Variants in OTOG observed in about 807,000 individuals in gnomAD.
OTOG encodes otogelin.
A neutral mutation model predicts 313.8 loss-of-function variants in OTOG; 296 were observed. The ratio of observed to expected loss-of-function variants is 0.94; its 90% confidence interval spans 0.86 to 1.04. The LOEUF is 1.04. OTOG is among the 50% of genes least tolerant of loss of function. The probability of loss-of-function intolerance (pLI) is 0.00; values close to 1 mark genes in which losing one functional copy is unlikely to be tolerated. For synonymous variants in OTOG, 1,533 were observed against 1,554.9 expected (o/e 0.99, Z 0.33); for missense variants, 3,948 against 3,840.1 (o/e 1.03, Z -0.74).
chr11:17,631,589 G>T (rs1426469851), intron 40 of OTOG, 113 bp from the exon 41 acceptor site: 6 of 851,528 alleles, frequency 7.0e-6, no homozygotes, highest in Non-Finnish European at 1.1e-5. Context: ...TATAAAATGG[G>T]GATAATGGTA....
At chr11:17,599,759 G>A (rs1413484932) in intron 31 of OTOG, 62 bp downstream of exon 31, 10 of 1,519,612 alleles carry the variant, frequency 6.6e-6, no homozygotes, top group South Asian at 6.0e-5. Context: ...CTGTCCTGAC[G>A]CCACACAGCA....
At position 17,645,869 on chromosome 11, in the gene OTOG, C is replaced by T; in HGVS notation, c.8667C>T (p.Leu2889=). Residue 2889 remains leucine (L), a synonymous_variant, in exon 56 of 56, where the codon CTC becomes CTT. Transcript: ENST00000399397. ...EVGLQRRSVQ[L]FCATNATWVP... ...GCCTGCAGCGGCGCTCTGTGCAGCT[C>T]TTCTGTGCCACCAATGCCACCTGGG... 6.4e-7 allele frequency: 1 copy of T among 1,550,790 alleles called. No individual in the cohort carries two copies. Among genetic ancestry groups the T allele is most frequent in the Non-Finnish European group, 8.7e-7 (1 of 1,147,034 alleles).
intron 34 of OTOG, 45 bp downstream of exon 34, chr11:17,608,458 T>G: frequency 7.6e-7 from 1 of 1,314,522 alleles, no homozygotes; most frequent in Non-Finnish European, 1.0e-6. Flanking sequence ...GTGTGTGCAC[T>G]AGTGTGTGTG....
At chr11:17,635,005 C>A in intron 45 of OTOG, 57 bp downstream of exon 45, 1 of 1,534,402 alleles carries the variant, frequency 6.5e-7, no homozygotes, top group Non-Finnish European at 8.8e-7. Context: ...GGGGGGAGGA[C>A]AGCTCTGGGG....
At position 17,558,623 on chromosome 11, in the gene OTOG, G is replaced by C. The variant is rs1277476811; in HGVS notation, c.1082G>C (p.Ser361Thr). The change falls in exon 10 of 56, where the codon AGT becomes ACT. Residue 361 changes from serine to threonine, a missense_variant. Physicochemically the swap from Ser to Thr is moderately conservative, Grantham distance 58 (BLOSUM62 1). Coordinates refer to ENST00000399397, the MANE Select transcript of OTOG (RefSeq NM_001292063.2). ...GTCAGCCCTCTGCCCTTCACAGCCA[G>C]TTGTACCAGTGATCTCTGCCAGTGA... ...AYVSPLPFTA[S>T]CTSDLCQSMG... is the part of the protein sequence containing the mutation. 1 of 1,550,218 alleles carries C rather than the reference G, an allele frequency of 6.5e-7. No individual in the cohort carries two copies. The highest frequency in any genetic ancestry group is 2.4e-5 in the East Asian group (1 of 40,922).
intron 47 of OTOG, among the ~76,000 whole-genome samples, chr11:17,636,225 T>A (rs1854263582): frequency 6.6e-6 from 1 of 152,208 alleles, no homozygotes; most frequent in African/African-American, 2.4e-5. Context: ...TGTATATACA[T>A]GTAGACATGT....
intron 24 of OTOG, among the ~76,000 whole-genome samples, chr11:17,588,174 G>A (rs1015495709): frequency 6.6e-6 from 1 of 152,172 alleles, no homozygotes; most frequent in African/African-American, 2.4e-5. Context: ...TAGAAAACTA[G>A]GAGATAGATG....
At chr11:17,599,970 A>G (rs1853209467) in intron 31 of OTOG, among the ~76,000 whole-genome samples, 1 of 152,200 alleles carries the variant, frequency 6.6e-6, no homozygotes, top group African/African-American at 2.4e-5. Flanking sequence ...CCCACCAGGA[A>G]GGAAAAACCC....
Position 17,561,912 on chromosome 11 carries a change from C to A in OTOG, c.1644+105C>A, listed in dbSNP as rs1001836776. 115 of 1,350,890 alleles carry A rather than the reference C, an allele frequency of 8.5e-5. 1 individual carries two copies. In the Middle Eastern group the frequency reaches 1.9e-3, roughly 23 times the overall value. The allele number at this position is 1,350,890 out of a possible 1,614,324, so 83.7% of individuals were successfully genotyped here. A position where few individuals can be genotyped will look rare whatever the true frequency, so the allele number is the denominator to read the frequency against. On this transcript the variant is annotated intron_variant, in intron 15 of 55. Transcript: ENST00000399397. ...AGGGCTCAGGTCTTCCCATGGCCCCCACCTGCTGCCTCTTCTCTCTGGGGA... is the reference window on the plus strand; with the variant it reads ...AGGGCTCAGGTCTTCCCATGGCCCCAACCTGCTGCCTCTTCTCTCTGGGGA...
intron 17 of OTOG, among the ~76,000 whole-genome samples, chr11:17,571,413 C>T (rs115531074): frequency 0.011 from 1,610 of 152,254 alleles, 26 homozygotes; most frequent in African/African-American, 0.037. Flanking sequence ...GAGACCATGA[C>T]CTCCCTCCGC....
At chr11:17,553,003 T>C (rs1851976730) in intron 4 of OTOG, 116 bp from the exon 5 acceptor site, 2 of 887,148 alleles carry the variant, frequency 2.3e-6, no homozygotes, top group Non-Finnish European at 3.5e-6. Context: ...TGAGGAATGT[T>C]GGGGCTGGGG....
At chr11:17,599,514 T>C (rs1309159722) in intron 30 of OTOG, among the ~76,000 whole-genome samples, 157 bp from the exon 31 acceptor site, 2 of 152,146 alleles carry the variant, frequency 1.3e-5, no homozygotes, top group Non-Finnish European at 2.9e-5. Flanking sequence ...TTAAGACATC[T>C]GCATCCATGA....
chr11:17,615,120 T>C (rs1853689076), intron 39 of OTOG, among the ~76,000 whole-genome samples: 1 of 152,246 alleles, frequency 6.6e-6, no homozygotes. Context: ...TTACTGATGA[T>C]GTTGAGCATC....
chr11:17,634,882 T>A lies in OTOG; in HGVS notation c.7519T>A (p.Cys2507Ser). The change falls in exon 45 of 56, where the codon TGC becomes AGC. Residue 2507 changes from cysteine to serine, a missense_variant. Coordinates refer to ENST00000399397, the MANE Select transcript of OTOG (RefSeq NM_001292063.2). The stretch of plus-strand genomic sequence containing the variant: ...TCTGTGTGAGGGTCTCGCCCCCACA[T>A]GCCGCCCAGGCCACCGCCTCCTCAC... ...QTLCEGLAPTCRPGHRLLTHF... is the reference protein window; with the variant it reads ...QTLCEGLAPTSRPGHRLLTHF... 3.3e-6 allele frequency: 5 copies of A among 1,516,102 alleles called. No homozygotes were observed. The highest frequency in any genetic ancestry group is 4.4e-6 in the Non-Finnish European group (5 of 1,126,670). The allele number at this position is 1,516,102 out of a possible 1,614,324, so 93.9% of individuals were successfully genotyped here. A position where few individuals can be genotyped will look rare whatever the true frequency, so the allele number is the denominator to read the frequency against.
intron 31 of OTOG, among the ~76,000 whole-genome samples, chr11:17,599,920 AGGCAGGCCAGCTCCCGGGGACTGTGCTC>A (rs924675213): frequency 6.6e-6 from 1 of 152,240 alleles, no homozygotes; most frequent in Non-Finnish European, 1.5e-5. Context: ...TCCGGGGCCC[AGGCAGGCCAGCTCCCGGGGACTGTGCTC>A]GGCAGGGCAG....
chr11:17,556,140 G>A (rs1467651020), intron 7 of OTOG, among the ~76,000 whole-genome samples: 1 of 152,172 alleles, frequency 6.6e-6, no homozygotes, highest in East Asian at 1.9e-4. Context: ...AGGCTTTCAG[G>A]AAAATAGAGT....
rs77481589 is a variant in OTOG at position 17,597,193 on chromosome 11, A to G, written c.3682+186A>G. 0.028 allele frequency among the ~76,000 whole-genome samples: 4,332 copies of G among 152,210 alleles called. 207 individuals carry two copies. The highest frequency in any genetic ancestry group is 0.099 in the African/African-American group (4,121 of 41,502). On this transcript the variant is annotated intron_variant, in intron 30 of 55. Transcript: ENST00000399397. ...TTTGAAACAGGGCTATATATTTCCTATTTTACAGTTGAAGAAACAGCCTAG... is the reference window on the plus strand; with the variant it reads ...TTTGAAACAGGGCTATATATTTCCTGTTTTACAGTTGAAGAAACAGCCTAG...
At position 17,573,231 on chromosome 11, in the gene OTOG, C is replaced by T. The variant is rs766372346; in HGVS notation, c.2234C>T (p.Ala745Val). ...CTGTGCGCCACACTGGCCCACTACG[C>T]CCACCTGTGCCGGCGCCATGGGCTC... is the stretch of plus-strand genomic sequence containing the variant. ...PCLCATLAHY[A>V]HLCRRHGLPV... Residue 745 changes from alanine to valine, a missense_variant, in exon 19 of 56, where the codon GCC becomes GTC. By Grantham distance (64) the Ala-to-Val change is moderately conservative (BLOSUM62 0). Transcript: ENST00000399397. 39 of 1,534,912 alleles carry T rather than the reference C, an allele frequency of 2.5e-5. 1 individual carries two copies. The South Asian group carries it at 4.6e-4, about 18-fold the overall frequency.
chr11:17,611,465 T>C lies in OTOG; in HGVS notation c.6123+42T>C, dbSNP rs731783. The C allele has an allele frequency of 0.38, 549,545 of 1,449,924 alleles. 108,175 individuals carry two copies. Among genetic ancestry groups the C allele is most frequent in the African/African-American group, 0.62 (43,140 of 70,124 alleles). The allele number at this position is 1,449,924 out of a possible 1,614,324, so 89.8% of individuals were successfully genotyped here. A position where few individuals can be genotyped will look rare whatever the true frequency, so the allele number is the denominator to read the frequency against. ...GGTTCTGGCCACCCGTATGTGACCCTTCCCTTCATCCCTTCCTCTTCCCTG... is the reference window on the plus strand; with the variant it reads ...GGTTCTGGCCACCCGTATGTGACCCCTCCCTTCATCCCTTCCTCTTCCCTG... On this transcript the variant is annotated intron_variant, in intron 36 of 55. Transcript: ENST00000399397.
Sources: allele counts gnomAD v4.1 joint callset (sites outside exome capture counted in the v4.1 genomes callset), GRCh38; gene constraint gnomAD v4.1.1; transcripts MANE v1.5; gene names NCBI Gene and HGNC (gene_info 2026-07-23, HGNC 2026-07-21).